The following CCDC136 variants were observed in gnomAD, a reference collection of about 807,000 sequenced individuals.
CCDC136 encodes coiled-coil domain-containing protein 136.
Under a neutral mutation model 141.2 loss-of-function variants are expected in CCDC136, and 100 were observed. The observed-to-expected ratio is 0.71, with a 90% CI of 0.60 to 0.84. The LOEUF (loss-of-function observed/expected upper bound fraction) is 0.84, where lower values mean the gene tolerates loss of function less well. CCDC136 is among the 40% of genes least tolerant of loss of function. The probability of loss-of-function intolerance (pLI) is 0.00; values close to 1 mark genes in which losing one functional copy is unlikely to be tolerated. For synonymous variants in CCDC136, 474 were observed against 531.9 expected, an observed-to-expected ratio of 0.89 and a Z score of 1.50; for missense variants, 1,206 against 1,379.4, an observed-to-expected ratio of 0.87 and a Z score of 1.99.
At chr7:128,793,359 G>T (rs1331037265) in intron 1 of CCDC136, among the ~76,000 whole-genome samples, 1 of 152,154 alleles carries the variant, frequency 6.6e-6, no homozygotes, top group East Asian at 1.9e-4. Context: ...AGCAGAGTAG[G>T]AGGGGCCTCA....
chr7:128,806,781 G>A lies in CCDC136; in HGVS notation c.1342G>A (p.Glu448Lys). The A allele has an allele frequency of 6.2e-7, 1 of 1,611,518 alleles. No individual in the cohort carries two copies. Among genetic ancestry groups the A allele is most frequent in the South Asian group, 1.1e-5 (1 of 90,914 alleles). ...KLLERQQQLQ[E>K]ELQCHEAELQ... is the part of the protein sequence containing the mutation. ...GCTGGAACGGCAGCAGCAGCTGCAGGAGGAGCTGCAGTGCCATGAGGCAGA... is the reference window on the plus strand; with the variant it reads ...GCTGGAACGGCAGCAGCAGCTGCAGAAGGAGCTGCAGTGCCATGAGGCAGA... Residue 448 changes from glutamate (E) to lysine (K), a missense_variant, in exon 9 of 18, where the codon GAG becomes AAG. By Grantham distance (56) the Glu-to-Lys change is moderately conservative. Transcript: ENST00000297788.
chr7:128,801,163 A>G, intron 3 of CCDC136, 23 bp from the exon 4 acceptor site: 2 of 1,585,468 alleles, frequency 1.3e-6, no homozygotes, highest in Middle Eastern at 1.7e-4. Context: ...CCTCTTGATC[A>G]TCTCAACCTT....
rs530840090 is a variant in CCDC136 at position 128,806,178 on chromosome 7, G to A, written c.1090-59G>A. The stretch of plus-strand genomic sequence containing the variant: ...ATCTGAAAAGGAACCCAACTGATCC[G>A]TAGAAAGACCTGCTGTTTCTTGAGA... On this transcript the variant is annotated intron_variant, in intron 7 of 17. Transcript: ENST00000297788. 593 of 1,439,462 alleles carry A rather than the reference G, an allele frequency of 4.1e-4. 1 individual carries two copies. The highest frequency in any genetic ancestry group is 5.1e-4 in the Non-Finnish European group (551 of 1,071,242). The allele number at this position is 1,439,462 out of a possible 1,614,324, so 89.2% of individuals were successfully genotyped here.
chr7:128,811,671 C>A, intron 12 of CCDC136, 129 bp from the exon 13 acceptor site: 1 of 807,502 alleles, frequency 1.2e-6, no homozygotes, highest in Non-Finnish European at 2.0e-6. Flanking sequence ...AGACATAGGC[C>A]GGGGTGAGGT....
chr7:128,812,042 C>G lies in CCDC136; in HGVS notation c.2271C>G (p.Asn757Lys), dbSNP rs1805813137. 1 of 1,613,916 alleles carries G rather than the reference C, an allele frequency of 6.2e-7. No homozygotes were observed. Among genetic ancestry groups the G allele is most frequent in the African/African-American group, 1.3e-5 (1 of 74,934 alleles). Residue 757 changes from asparagine to lysine, a missense_variant, in exon 13 of 18, where the codon AAC becomes AAG. Coordinates refer to ENST00000297788, the MANE Select transcript of CCDC136 (RefSeq NM_022742.5). ...GTAGCATGGTCCCCAGCAATGAGAA[C>G]TGTCGCAAGACTTATGATACCACTG... Reference protein sequence around the residue: ...SYGSMVPSNENCRKTYDTTVD... With the variant: ...SYGSMVPSNEKCRKTYDTTVD...
Position 128,805,380 on chromosome 7 carries a change from A to T in CCDC136, c.804A>T (p.Arg268Ser), listed in dbSNP as rs754512424. The T allele has an allele frequency of 6.2e-7, 1 of 1,613,950 alleles. No individual in the cohort carries two copies. The highest frequency in any genetic ancestry group is 8.5e-7 in the Non-Finnish European group (1 of 1,179,886). The change falls in exon 6 of 18, where the codon AGA becomes AGT. Residue 268 changes from arginine (R) to serine (S), a missense_variant. By Grantham distance (110) the Arg-to-Ser change is moderately radical. Transcript: ENST00000297788. This position sits in a 1 kb window ranked among gnomAD's most constrained non-coding sequence, Gnocchi z 4.6. ...ESERTQRATERWLQSQTLSMT... is the reference protein window; with the variant it reads ...ESERTQRATESWLQSQTLSMT... ...GCAGGACACAGAGAGCAACAGAGAG[A>T]TGGCTGCAGTCCCAAACACTGAGTA...
chr7:128,812,938 T>C lies in CCDC136; in HGVS notation c.2763+9T>C, dbSNP rs1021611354. 1 of 1,584,856 alleles carries C rather than the reference T, an allele frequency of 6.3e-7. No homozygotes were observed. Among genetic ancestry groups the C allele is most frequent in the Non-Finnish European group, 8.6e-7 (1 of 1,162,168 alleles). Reference sequence around the variant, plus strand: ...AGAACGACAAGAATGAGGTAACCACTGTCAGGGAGGCAGGGTTTCCTCTGG... The same window carrying C: ...AGAACGACAAGAATGAGGTAACCACCGTCAGGGAGGCAGGGTTTCCTCTGG... On this transcript the variant is annotated intron_variant, in intron 14 of 17. Transcript: ENST00000297788.
intron 10 of CCDC136, 49 bp downstream of exon 10, chr7:128,807,594 AG>A: frequency 7.7e-7 from 1 of 1,291,770 alleles, no homozygotes; most frequent in Non-Finnish European, 1.0e-6. Context: ...TGCTCCAGAG[AG>A]AAGAGGTACA....
chr7:128,794,476 CG>C lies in CCDC136; in HGVS notation c.149del (p.Gly50AspfsTer2). The C allele has an allele frequency of 6.4e-7, 1 of 1,552,200 alleles. No homozygotes were observed. Among genetic ancestry groups the C allele is most frequent in the Non-Finnish European group, 8.7e-7 (1 of 1,147,216 alleles). The part of the protein sequence containing the change: ...SVGSLSVNKH[R>X]GLSLTETELE... ...TGGCTCTCTGTCAGTCAACAAGCAC[CG>C]GGGACTGAGCCTCACGGAGACAGAG... is the stretch of plus-strand genomic sequence containing the variant. On this transcript the variant is annotated frameshift_variant, in exon 2 of 18. Coordinates refer to ENST00000297788, the MANE Select transcript of CCDC136 (RefSeq NM_022742.5). LOFTEE classifies it high-confidence loss of function. The surrounding 1 kb of genome is among the most constrained non-coding windows in gnomAD (Gnocchi z 4.3).
intron 14 of CCDC136, among the ~76,000 whole-genome samples, chr7:128,813,233 A>G (rs1806059285): frequency 6.6e-6 from 1 of 152,168 alleles, no homozygotes; most frequent in African/African-American, 2.4e-5. Context: ...ATCTTCTTTC[A>G]TCATTTTGTG....
chr7:128,820,936 T>C (rs1807361863), intron 17 of CCDC136, among the ~76,000 whole-genome samples: 2 of 152,250 alleles, frequency 1.3e-5, no homozygotes, highest in African/African-American at 4.8e-5. Flanking sequence ...CCATTTTTAC[T>C]TGAAACCATC....
intron 3 of CCDC136, among the ~76,000 whole-genome samples, chr7:128,795,540 G>A (rs1471630298): frequency 2.0e-5 from 3 of 151,882 alleles, no homozygotes; most frequent in African/African-American, 7.3e-5. Context: ...AGAGGTGTAA[G>A]TGGGGAGGAG....
At position 128,805,949 on chromosome 7, in the gene CCDC136, A is replaced by T. The variant is rs1442563421; in HGVS notation, c.1089+48A>T. On this transcript the variant is annotated intron_variant, in intron 7 of 17. Coordinates refer to ENST00000297788, the MANE Select transcript of CCDC136 (RefSeq NM_022742.5). This position sits in a 1 kb window ranked among gnomAD's most constrained non-coding sequence, Gnocchi z 4.6. ...TCTGGGGTGGGGGCAGAAGGGCCTC[A>T]TGGAGGGGCTGCTTCAACCGGGGTG... 5 of 1,606,714 alleles carry T rather than the reference A, an allele frequency of 3.1e-6. No homozygotes were observed. The highest frequency in any genetic ancestry group is 3.4e-6 in the Non-Finnish European group (4 of 1,175,136).
Position 128,812,739 on chromosome 7 carries a change from T to C in CCDC136, c.2573T>C (p.Ile858Thr). The C allele has an allele frequency of 6.2e-7, 1 of 1,613,296 alleles. No individual in the cohort carries two copies. Among genetic ancestry groups the C allele is most frequent in the Non-Finnish European group, 8.5e-7 (1 of 1,179,800 alleles). Reference sequence around the variant, plus strand: ...GAGGAAATGGTTGTGAAAGTGCTGATCAAGCTGCAGGCGGTGCAGGCCATG... The same window carrying C: ...GAGGAAATGGTTGTGAAAGTGCTGACCAAGCTGCAGGCGGTGCAGGCCATG... ...RFEEMVVKVL[I>T]KLQAVQAMYQ... The change falls in exon 14 of 18, where the codon ATC (isoleucine) becomes ACC (threonine). Residue 858 changes from isoleucine (I) to threonine (T), a missense_variant. Physicochemically the swap from Ile to Thr is moderately conservative, Grantham distance 89. Transcript: ENST00000297788.
chr7:128,812,563 C>T, intron 13 of CCDC136, 145 bp from the exon 14 acceptor site: 1 of 721,018 alleles, frequency 1.4e-6, no homozygotes, highest in Non-Finnish European at 2.3e-6. Flanking sequence ...CCACGATGCT[C>T]TTTATGGGGG....
rs1562984144 is a variant in CCDC136, at chr7:128,821,901, A to C, written c.*108A>C. On this transcript the variant is annotated 3_prime_UTR_variant, in exon 18 of 18. Coordinates refer to ENST00000297788, the MANE Select transcript of CCDC136 (RefSeq NM_022742.5). This position sits in a 1 kb window ranked among gnomAD's most constrained non-coding sequence, Gnocchi z 5.1. ...ACAGCAGGAGTCAGAGTTCTGCCTC[A>C]TGGAGTGATGGCAGACCTTGGCCAG... 7.8e-7 allele frequency: 1 copy of C among 1,289,948 alleles called. No homozygotes were observed. The highest frequency in any genetic ancestry group is 1.0e-6 in the Non-Finnish European group (1 of 988,900). The allele number at this position is 1,289,948 out of a possible 1,614,324, so 79.9% of individuals were successfully genotyped here.
intron 11 of CCDC136, among the ~76,000 whole-genome samples, chr7:128,809,860 G>C (rs1001433667): frequency 2.5e-4 from 38 of 152,190 alleles, no homozygotes; most frequent in African/African-American, 8.4e-4. Context: ...TTATACTCAG[G>C]AATCTGTGCA....
chr7:128,814,579 T>C, intron 14 of CCDC136, 59 bp from the exon 15 acceptor site: 1 of 1,445,620 alleles, frequency 6.9e-7, no homozygotes, highest in African/African-American at 1.4e-5. Flanking sequence ...GGTTGCGTGG[T>C]CAGCCAACTG....
intron 12 of CCDC136, chr7:128,811,161 C>T (rs1327215155): frequency 5.2e-6 from 2 of 381,982 alleles, no homozygotes; most frequent in Admixed American, 5.7e-5. Context: ...GAAGTCAACA[C>T]TGTGAGGCTG....
Sources: gnomAD v4.1 joint callset for allele counts (sites outside exome capture counted in the v4.1 genomes callset) on GRCh38, gnomAD v4.1.1 for gene constraint, Gnocchi (gnomAD v3.1) non-coding constraint, MANE v1.5 for transcripts, NCBI Gene and HGNC (gene_info 2026-07-23, HGNC 2026-07-21) for gene names.